The following PSMC2 variants were observed in gnomAD, a reference collection of about 807,000 sequenced individuals.
PSMC2 encodes the protein 26S proteasome regulatory subunit 7.
Under a neutral mutation model 53.3 loss-of-function variants are expected in PSMC2, and 7 were observed. The ratio of observed to expected loss-of-function variants is 0.13; its 90% confidence interval spans 0.07 to 0.25. The LOEUF (loss-of-function observed/expected upper bound fraction) is 0.25. Ranked by LOEUF, PSMC2 falls within the 10% of genes least tolerant of loss-of-function variation. The probability of loss-of-function intolerance (pLI) is 1.00; values close to 1 mark genes in which losing one functional copy is unlikely to be tolerated. For missense variants in PSMC2, 241 were observed against 544.0 expected (o/e 0.44, Z 5.54); for synonymous variants, 169 against 183.9 (o/e 0.92, Z 0.66).
chr7:103,361,607 G>A (rs1820419855), intron 4 of PSMC2, among the ~76,000 whole-genome samples: 1 of 149,356 alleles, frequency 6.7e-6, no homozygotes, highest in East Asian at 2.0e-4. Context: ...TGTAAGACAA[G>A]ATGACCATCT....
In PSMC2 at chr7:103,363,411, GAGA is replaced by G. The variant is rs1563494056; in HGVS notation, c.566_568del (p.Glu189del). On this transcript the variant is annotated inframe_deletion, in exon 7 of 12. Transcript: ENST00000292644. The stretch of plus-strand genomic sequence containing the variant: ...TGTAAGGAACAGATTGAGAAACTGC[GAGA>G]AGTAGTTGAAACCCCATTACTTCAT... 6.2e-7 allele frequency: 1 copy of G among 1,613,586 alleles called. No individual in the cohort carries two copies.
At chr7:103,365,856 C>T (rs143031624) in intron 8 of PSMC2, among the ~76,000 whole-genome samples, 390 of 151,516 alleles carry the variant, frequency 2.6e-3, no homozygotes, top group Middle Eastern at 0.014. Flanking sequence ...TGAACCCAGG[C>T]GGCAGAGGTT....
chr7:103,358,024 T>C (rs1820142665), intron 4 of PSMC2, among the ~76,000 whole-genome samples: 1 of 152,210 alleles, frequency 6.6e-6, no homozygotes, highest in African/African-American at 2.4e-5. Flanking sequence ...ACCCTGGAGA[T>C]TGCCCTTTAC....
intron 8 of PSMC2, among the ~76,000 whole-genome samples, chr7:103,364,704 G>T (rs528497958): frequency 1.7e-4 from 26 of 152,032 alleles, no homozygotes; most frequent in African/African-American, 6.3e-4. Flanking sequence ...CACCACGCCC[G>T]GCCTGAGACC....
chr7:103,359,615 C>T (rs1334946505), intron 4 of PSMC2, among the ~76,000 whole-genome samples: 7 of 152,212 alleles, frequency 4.6e-5, no homozygotes, highest in Admixed American at 3.3e-4. Context: ...TAGCATATTT[C>T]AAGGTTCATC....
chr7:103,368,094 C>G lies in PSMC2; in HGVS notation c.*40C>G. ...CAAGTGAAAACTTTAAATTGGAATC[C>G]TAACCTTATATAGACTTGTTAATAA... On this transcript the variant is annotated 3_prime_UTR_variant, in exon 12 of 12. Coordinates refer to ENST00000292644, the MANE Select transcript of PSMC2 (RefSeq NM_002803.4). 1 of 1,555,914 alleles carries G rather than the reference C, an allele frequency of 6.4e-7. No homozygotes were observed. Among genetic ancestry groups the G allele is most frequent in the Non-Finnish European group, 8.7e-7 (1 of 1,144,480 alleles).
chr7:103,368,103 T>C lies in PSMC2; in HGVS notation c.*49T>C. ...ACTTTAAATTGGAATCCTAACCTTA[T>C]ATAGACTTGTTAATAACCAATTCAT... On this transcript the variant is annotated 3_prime_UTR_variant, in exon 12 of 12. Coordinates refer to ENST00000292644, the MANE Select transcript of PSMC2 (RefSeq NM_002803.4). 1.3e-6 allele frequency: 2 copies of C among 1,501,088 alleles called. No homozygotes were observed. The highest frequency in any genetic ancestry group is 9.0e-7 in the Non-Finnish European group (1 of 1,110,122). The allele number at this position is 1,501,088 out of a possible 1,614,324, so 93.0% of individuals were successfully genotyped here. A position where few individuals can be genotyped will look rare whatever the true frequency, so the allele number is the denominator to read the frequency against.
intron 1 of PSMC2, among the ~76,000 whole-genome samples, chr7:103,349,234 C>T (rs1203195995): frequency 6.6e-6 from 1 of 152,152 alleles, no homozygotes; most frequent in African/African-American, 2.4e-5. Flanking sequence ...TCATCTCATT[C>T]TGCTGTTTCT....
At position 103,367,748 on chromosome 7, in the gene PSMC2, A is replaced by G. The variant is rs1488929985; in HGVS notation, c.1083A>G (p.Ser361=). 6.2e-7 allele frequency: 1 copy of G among 1,613,958 alleles called. No individual in the cohort carries two copies. The highest frequency in any genetic ancestry group is 1.7e-5 in the Admixed American group (1 of 60,006). ...ACATATTTAAGATTCACGCTCGTTCAATGAGTGTTGAAAGAGATATCAGAT... is the reference window on the plus strand; with the variant it reads ...ACATATTTAAGATTCACGCTCGTTCGATGAGTGTTGAAAGAGATATCAGAT... ...RTHIFKIHAR[S]MSVERDIRFE... Residue 361 remains serine (S), a synonymous_variant, in exon 11 of 12, where the codon TCA becomes TCG. Coordinates refer to ENST00000292644, the MANE Select transcript of PSMC2 (RefSeq NM_002803.4). The surrounding 1 kb of genome is among the most constrained non-coding windows in gnomAD (Gnocchi z 6.1).
At chr7:103,352,652 G>T (rs1260766078) in intron 1 of PSMC2, 3 of 524,740 alleles carry the variant, frequency 5.7e-6, no homozygotes, top group Non-Finnish European at 6.9e-6. Context: ...CAATCCGCCT[G>T]TCTCGGCCTG....
Position 103,367,600 on chromosome 7 carries a change from C to T in PSMC2, c.1032C>T (p.Ser344=), listed in dbSNP as rs766850758. Residue 344 remains serine, a synonymous_variant, in exon 10 of 12, where the codon AGC becomes AGT. Transcript: ENST00000292644. The surrounding 1 kb of genome is among the most constrained non-coding windows in gnomAD (Gnocchi z 6.1). The part of the protein sequence containing the change: ...PGRLDRKIEF[S]LPDLEGRTHI... ...GATTGGATAGAAAAATTGAATTTAGCTTGCCCGATCTAGAGGTAAGAAAAC... is the reference window on the plus strand; with the variant it reads ...GATTGGATAGAAAAATTGAATTTAGTTTGCCCGATCTAGAGGTAAGAAAAC... 5 of 1,614,114 alleles carry T rather than the reference C, an allele frequency of 3.1e-6. No individual in the cohort carries two copies. In the South Asian group the frequency reaches 5.5e-5, roughly 18 times the overall value.
intron 4 of PSMC2, among the ~76,000 whole-genome samples, chr7:103,357,140 A>G (rs1193881237): frequency 1.3e-5 from 2 of 152,094 alleles, no homozygotes; most frequent in African/African-American, 4.8e-5. Flanking sequence ...AGCCTGGTCA[A>G]CATAGTGAAA....
intron 4 of PSMC2, among the ~76,000 whole-genome samples, chr7:103,356,478 A>G (rs1820038484): frequency 6.6e-6 from 1 of 152,182 alleles, no homozygotes; most frequent in Admixed American, 6.5e-5. Flanking sequence ...GCAAATGTCC[A>G]TTTGTCTGAT....
At chr7:103,364,577 T>A (rs552271210) in intron 8 of PSMC2, among the ~76,000 whole-genome samples, 1 of 152,154 alleles carries the variant, frequency 6.6e-6, no homozygotes, top group African/African-American at 2.4e-5. Flanking sequence ...ACCCAGCTAA[T>A]TTTTCTATTT....
At position 103,362,695 on chromosome 7, in the gene PSMC2, A is replaced by G. The variant is rs778472421; in HGVS notation, c.432A>G (p.Arg144=). Residue 144 remains arginine (R), a synonymous_variant, in exon 6 of 12, where the codon AGA becomes AGG. Coordinates refer to ENST00000292644, the MANE Select transcript of PSMC2 (RefSeq NM_002803.4). The part of the protein sequence containing the change: ...IEEGMRVGVD[R]NKYQIHIPLP... ...TTTTTTACTTCCTTAGCGTGGATAGAAATAAATATCAAATTCACATTCCAT... is the reference window on the plus strand; with the variant it reads ...TTTTTTACTTCCTTAGCGTGGATAGGAATAAATATCAAATTCACATTCCAT... 2 of 1,604,506 alleles carry G rather than the reference A, an allele frequency of 1.2e-6. No homozygotes were observed. The highest frequency in any genetic ancestry group is 2.2e-5 in the South Asian group (2 of 90,868).
chr7:103,349,897 T>C (rs955879575), intron 1 of PSMC2, among the ~76,000 whole-genome samples: 4 of 152,246 alleles, frequency 2.6e-5, no homozygotes, highest in African/African-American at 4.8e-5. Context: ...TCAGTCTCTT[T>C]CTTCATGACT....
At chr7:103,348,857 A>G (rs1041122049) in intron 1 of PSMC2, 4 of 558,710 alleles carry the variant, frequency 7.2e-6, no homozygotes, top group Admixed American at 5.5e-5. Context: ...ACATTTAAAA[A>G]AATGAATAAT....
At position 103,363,386 on chromosome 7, in the gene PSMC2, T is replaced by C; in HGVS notation, c.538T>C (p.Cys180Arg). Residue 180 changes from cysteine (C) to arginine (R), a missense_variant, in exon 7 of 12, where the codon TGT (cysteine) becomes CGT (arginine). Physicochemically the swap from Cys to Arg is radical, Grantham distance 180. Coordinates refer to ENST00000292644, the MANE Select transcript of PSMC2 (RefSeq NM_002803.4). Reference sequence around the variant, plus strand: ...TGTCACATACAGTGATGTTGGTGGCTGTAAGGAACAGATTGAGAAACTGCG... The same window carrying C: ...TGTCACATACAGTGATGTTGGTGGCCGTAAGGAACAGATTGAGAAACTGCG... ...PDVTYSDVGG[C>R]KEQIEKLREV... is the part of the protein sequence containing the mutation. The C allele has an allele frequency of 6.2e-7, 1 of 1,614,098 alleles. No homozygotes were observed. Among genetic ancestry groups the C allele is most frequent in the Non-Finnish European group, 8.5e-7 (1 of 1,179,944 alleles).
intron 4 of PSMC2, 149 bp downstream of exon 4, chr7:103,355,942 T>G (rs1820007432): frequency 3.7e-6 from 2 of 541,268 alleles, no homozygotes; most frequent in Non-Finnish European, 3.2e-6. Context: ...GGGTTAAAAT[T>G]TTATGCCTTA....
Sources: allele counts gnomAD v4.1 joint callset (sites outside exome capture counted in the v4.1 genomes callset), GRCh38; gene constraint gnomAD v4.1.1; non-coding constraint Gnocchi (gnomAD v3.1); transcripts MANE v1.5; gene names NCBI Gene and HGNC (gene_info 2026-07-23, HGNC 2026-07-21).